Variants in RALYL observed in about 807,000 individuals in gnomAD.
The protein encoded by RALYL is RNA-binding Raly-like protein.
A neutral mutation model predicts 35.1 loss-of-function variants in RALYL; 29 were observed. The observed-to-expected ratio is 0.83, with a 90% CI of 0.61 to 1.13. The LOEUF (loss-of-function observed/expected upper bound fraction) is 1.13. RALYL is among the 50% of genes most tolerant of loss of function. The pLI, the probability that RALYL is intolerant of heterozygous loss-of-function variation, is 0.00. For missense variants in RALYL, 359 were observed against 360.4 expected (o/e 1.00, Z 0.03); for synonymous variants, 120 against 127.6 (o/e 0.94, Z 0.40).
intron 2 of RALYL, among the ~76,000 whole-genome samples, chr8:84,647,611 G>A (rs957003763): frequency 6.6e-6 from 1 of 152,008 alleles, no homozygotes; most frequent in Non-Finnish European, 1.5e-5. Context: ...TAGTGTGAGA[G>A]AATGATAGGT....
At chr8:84,419,369 C>A (rs1490736992) in intron 1 of RALYL, among the ~76,000 whole-genome samples, 1 of 152,026 alleles carries the variant, frequency 6.6e-6, no homozygotes. Flanking sequence ...GGTTTTCTTC[C>A]TTTGTTTCCT....
At chr8:84,513,156 TGTC>T (rs1347215166) in intron 1 of RALYL, among the ~76,000 whole-genome samples, 3 of 152,182 alleles carry the variant, frequency 2.0e-5, no homozygotes, top group East Asian at 3.8e-4. Context: ...GAGCATGAAA[TGTC>T]GTCCATTTTT....
At position 84,493,030 on chromosome 8, in the gene RALYL, C is replaced by T. The variant is rs529628663; in HGVS notation, c.-23-36269C>T. Among the ~76,000 whole-genome samples the T allele has an allele frequency of 1.4e-4, 21 of 152,104 alleles. No individual in the cohort carries two copies. The East Asian group carries it at 1.5e-3, about 11-fold the overall frequency. On this transcript the variant is annotated intron_variant, in intron 1 of 8. Transcript: ENST00000521268. ...AACCCATCACCTAGGTTTTAAGCCC[C>T]GCATGCATTAACTATTTGTCCTGAT...
intron 4 of RALYL, among the ~76,000 whole-genome samples, chr8:84,844,010 A>G (rs978134100): frequency 9.9e-5 from 15 of 152,242 alleles, no homozygotes; most frequent in Non-Finnish European, 2.2e-4. Context: ...AGAACCGTAA[A>G]AACCCTAGGA....
chr8:84,768,251 G>A (rs1002420501), intron 2 of RALYL, among the ~76,000 whole-genome samples: 2 of 152,136 alleles, frequency 1.3e-5, no homozygotes, highest in African/African-American at 4.8e-5. Flanking sequence ...GTCCCTTCAA[G>A]GCCAACAGCT....
chr8:84,657,485 G>A lies in RALYL; in HGVS notation c.257-117094G>A, dbSNP rs1830170362. ...TGGGGCTGACAGAAAGCACTCATGT[G>A]CATACCTTTCTCCTCAAACAGTGCA... On this transcript the variant is annotated intron_variant, in intron 2 of 8. Coordinates refer to ENST00000521268, the MANE Select transcript of RALYL (RefSeq NM_173848.7). Among the ~76,000 whole-genome samples, 2 of 152,162 alleles carry A rather than the reference G, an allele frequency of 1.3e-5. 1 individual carries two copies. The highest frequency in any genetic ancestry group is 4.1e-4 in the South Asian group (2 of 4,826).
intron 1 of RALYL, among the ~76,000 whole-genome samples, chr8:84,415,396 C>T (rs977376199): frequency 4.0e-5 from 6 of 151,896 alleles, no homozygotes; most frequent in Admixed American, 3.3e-4. Flanking sequence ...CCTGCCACGA[C>T]GCTTGGCTAA....
At chr8:84,389,968 T>C (rs1440554541) in intron 1 of RALYL, among the ~76,000 whole-genome samples, 2 of 151,846 alleles carry the variant, frequency 1.3e-5, no homozygotes, top group African/African-American at 4.8e-5. Flanking sequence ...CAGTATGATA[T>C]TGGCTGTGGG....
intron 2 of RALYL, among the ~76,000 whole-genome samples, chr8:84,599,360 ACTT>A (rs1490137009): frequency 6.6e-6 from 1 of 152,030 alleles, no homozygotes; most frequent in African/African-American, 2.4e-5. Flanking sequence ...ATCACTTTGT[ACTT>A]CTTAAGTATA....
intron 2 of RALYL, among the ~76,000 whole-genome samples, chr8:84,734,461 T>A (rs1016527169): frequency 2.0e-5 from 3 of 152,190 alleles, no homozygotes; most frequent in Middle Eastern, 3.2e-3. Flanking sequence ...TGTTAACATT[T>A]CATTCATATA....
chr8:84,823,570 C>T (rs1343134819), intron 4 of RALYL, among the ~76,000 whole-genome samples: 2 of 152,100 alleles, frequency 1.3e-5, no homozygotes, highest in Non-Finnish European at 2.9e-5. Flanking sequence ...TCAAGGGAGA[C>T]TAGAAAGCCC....
intron 1 of RALYL, among the ~76,000 whole-genome samples, chr8:84,461,394 AT>A (rs746002320): frequency 1.3e-4 from 20 of 151,722 alleles, no homozygotes; most frequent in Non-Finnish European, 8.9e-5. Flanking sequence ...GAAGGGTAAT[AT>A]AGAATGTCAG....
intron 2 of RALYL, among the ~76,000 whole-genome samples, chr8:84,692,739 C>A (rs1838315940): frequency 6.6e-6 from 1 of 152,000 alleles, no homozygotes; most frequent in African/African-American, 2.4e-5. Context: ...CAGGATCTGG[C>A]TGTTTTTCTA....
chr8:84,422,896 G>T (rs1304992955), intron 1 of RALYL, among the ~76,000 whole-genome samples: 1 of 148,204 alleles, frequency 6.7e-6, no homozygotes, highest in Non-Finnish European at 1.5e-5. Context: ...TAGTTTGATT[G>T]CACTGTGGTC....
chr8:84,918,488 AT>A (rs1205765056), intron 8 of RALYL, among the ~76,000 whole-genome samples: 2 of 152,050 alleles, frequency 1.3e-5, no homozygotes, highest in Admixed American at 1.3e-4. Context: ...CATCAGGAGA[AT>A]TTGTTTTAAA....
At position 84,356,986 on chromosome 8, in the gene RALYL, G is replaced by A. The variant is rs544556501; in HGVS notation, c.-23-172313G>A. Reference sequence around the variant, plus strand: ...ACTGATATATTTTTGCTGTAAGGGCGTCACAAACATAATGAGTCCAGTTAC... The same window carrying A: ...ACTGATATATTTTTGCTGTAAGGGCATCACAAACATAATGAGTCCAGTTAC... On this transcript the variant is annotated intron_variant, in intron 1 of 8. Coordinates refer to ENST00000521268, the MANE Select transcript of RALYL (RefSeq NM_173848.7). Among the ~76,000 whole-genome samples, 13 of 152,162 alleles carry A rather than the reference G, an allele frequency of 8.5e-5. No homozygotes were observed. In the South Asian group the frequency reaches 1.2e-3, roughly 15 times the overall value.
At chr8:84,660,028 A>G (rs550728124) in intron 2 of RALYL, among the ~76,000 whole-genome samples, 1 of 152,266 alleles carries the variant, frequency 6.6e-6, no homozygotes, top group Admixed American at 6.5e-5. Context: ...ATAGAATAAC[A>G]CTTTGAAGAA....
At chr8:84,599,534 G>A (rs917221094) in intron 2 of RALYL, among the ~76,000 whole-genome samples, 1 of 151,936 alleles carries the variant, frequency 6.6e-6, no homozygotes, top group Non-Finnish European at 1.5e-5. Flanking sequence ...TTAAACATTA[G>A]TGAAATGTCA....
chr8:84,517,532 G>C (rs1278484598), intron 1 of RALYL, among the ~76,000 whole-genome samples: 1 of 152,132 alleles, frequency 6.6e-6, no homozygotes, highest in Non-Finnish European at 1.5e-5. Context: ...AATACTAGAG[G>C]CTGTGTCATA....
Sources: gnomAD v4.1 joint callset for allele counts (sites outside exome capture counted in the v4.1 genomes callset) on GRCh38, gnomAD v4.1.1 for gene constraint, MANE v1.5 for transcripts, NCBI Gene and HGNC (gene_info 2026-07-23, HGNC 2026-07-21) for gene names.